Variants in PROS1 observed in about 807,000 individuals in gnomAD.
The protein encoded by PROS1 is protein S, also known as vitamin K-dependent protein S.
In PROS1, 29 loss-of-function variants were observed where a neutral mutation model predicts 75.9. That is an observed-to-expected ratio of 0.38 (90% CI 0.28 to 0.52). PROS1 has a LOEUF of 0.52. Ranked by LOEUF, PROS1 falls within the 20% of genes least tolerant of loss-of-function variation. PROS1 has a pLI of 0.83. For synonymous variants in PROS1, 245 were observed against 280.6 expected (o/e 0.87, Z 1.27); for missense variants, 680 against 810.3 (o/e 0.84, Z 1.95).
At chr3:93,930,604 A>T (rs1305869524) in intron 1 of PROS1, among the ~76,000 whole-genome samples, 3 of 152,210 alleles carry the variant, frequency 2.0e-5, no homozygotes, top group Admixed American at 2.0e-4. Flanking sequence ...ATGGGCCCCA[A>T]CTAAAGGGTA....
At chr3:93,901,362 C>T (rs1335887060) in intron 6 of PROS1, among the ~76,000 whole-genome samples, 1 of 152,092 alleles carries the variant, frequency 6.6e-6, no homozygotes, top group African/African-American at 2.4e-5. Flanking sequence ...CTAAAGTAGA[C>T]AATAGTGATT....
chr3:93,916,389 T>C (rs2107186196), intron 3 of PROS1, among the ~76,000 whole-genome samples: 1 of 152,322 alleles, frequency 6.6e-6, no homozygotes, highest in East Asian at 1.9e-4. Context: ...AGTGAAATGT[T>C]TCATATGAGT....
At position 93,973,734 on chromosome 3, in the gene PROS1, C is replaced by T. The variant is rs775508221; in HGVS notation, c.16G>A (p.Gly6Arg). The T allele has an allele frequency of 6.2e-7, 1 of 1,613,476 alleles. No homozygotes were observed. The change falls in exon 1 of 15, where the codon GGG becomes AGG. Residue 6 changes from glycine (G) to arginine (R), a missense_variant. Physicochemically the swap from Gly to Arg is moderately radical, Grantham distance 125 (BLOSUM62 -2). Transcript: ENST00000394236. ...CACGCCAGCAGCGCCCCGCAGCGCCCACCCAGGACCCTCATTTCGAAGCGC... is the reference window on the plus strand; with the variant it reads ...CACGCCAGCAGCGCCCCGCAGCGCCTACCCAGGACCCTCATTTCGAAGCGC... MRVLG[G>R]RCGALLACLL...
chr3:93,955,701 T>C (rs973357959), intron 1 of PROS1, among the ~76,000 whole-genome samples: 5 of 151,180 alleles, frequency 3.3e-5, no homozygotes, highest in Non-Finnish European at 7.4e-5. Context: ...GTTGTGTACA[T>C]GTACCCTAGA....
intron 1 of PROS1, 31 bp from the exon 2 acceptor site, chr3:93,927,438 A>G (rs1196027654): frequency 1.2e-6 from 2 of 1,604,804 alleles, no homozygotes; most frequent in African/African-American, 2.7e-5. Flanking sequence ...ATATGAATTA[A>G]TCATTTTTCC....
intron 1 of PROS1, among the ~76,000 whole-genome samples, chr3:93,969,132 T>C (rs1709836534): frequency 6.6e-6 from 1 of 150,434 alleles, no homozygotes; most frequent in South Asian, 2.1e-4. Flanking sequence ...CTTTTTTTTT[T>C]TTTTTTTTTG....
At chr3:93,903,056 G>C (rs559401869) in intron 6 of PROS1, among the ~76,000 whole-genome samples, 1 of 151,948 alleles carries the variant, frequency 6.6e-6, no homozygotes, top group South Asian at 2.1e-4. Context: ...TAGTAGAGAC[G>C]GGGTTTCAGC....
chr3:93,920,050 A>C (rs751869305), intron 3 of PROS1, among the ~76,000 whole-genome samples: 3 of 152,108 alleles, frequency 2.0e-5, no homozygotes, highest in African/African-American at 2.4e-5. Flanking sequence ...TTTTAAAATG[A>C]GTTTACTGAG....
chr3:93,906,266 T>A, intron 4 of PROS1, 123 bp from the exon 5 acceptor site: 1 of 1,033,776 alleles, frequency 9.7e-7, no homozygotes, highest in Non-Finnish European at 1.4e-6. Context: ...AACTCCTTTC[T>A]TTAAATAATA....
rs1328013419 is a variant in PROS1 at position 93,900,799 on chromosome 3, C to T, written c.727+5G>A. 1.9e-6 allele frequency: 3 copies of T among 1,612,374 alleles called. No individual in the cohort carries two copies. The highest frequency in any genetic ancestry group is 2.5e-6 in the Non-Finnish European group (3 of 1,179,812). Reference sequence around the variant, plus strand: ...CCATCAGTAATGATACCACCATCATCCTACCTTCACAAGACTTTGATTTGA... The same window carrying T: ...CCATCAGTAATGATACCACCATCATTCTACCTTCACAAGACTTTGATTTGA... On this transcript the variant is annotated splice_donor_5th_base_variant and intron_variant, in intron 7 of 14. Transcript: ENST00000394236.
intron 3 of PROS1, among the ~76,000 whole-genome samples, chr3:93,920,379 C>T (rs1166864709): frequency 6.6e-6 from 1 of 152,080 alleles, no homozygotes; most frequent in South Asian, 2.1e-4. Flanking sequence ...AACATTTTCT[C>T]CATAGGGTTT....
chr3:93,972,876 T>C (rs972408013), intron 1 of PROS1, among the ~76,000 whole-genome samples: 28 of 152,012 alleles, frequency 1.8e-4, no homozygotes, highest in Non-Finnish European at 5.9e-5. Context: ...GGCGTTTTTA[T>C]TCAATAAACA....
intron 12 of PROS1, among the ~76,000 whole-genome samples, chr3:93,881,058 C>G (rs577058435): frequency 6.6e-6 from 1 of 152,270 alleles, no homozygotes; most frequent in East Asian, 1.9e-4. Context: ...GGCACAGTGG[C>G]TCATGCCTGT....
intron 3 of PROS1, among the ~76,000 whole-genome samples, chr3:93,917,288 T>C (rs773201955): frequency 1.1e-4 from 17 of 152,194 alleles, no homozygotes; most frequent in Non-Finnish European, 1.9e-4. Flanking sequence ...TTTGTTTGTT[T>C]TGTTTTGTTT....
At chr3:93,955,056 C>G (rs1414197004) in intron 1 of PROS1, among the ~76,000 whole-genome samples, 3 of 152,154 alleles carry the variant, frequency 2.0e-5, no homozygotes, top group Non-Finnish European at 4.4e-5. Context: ...GAATGGCAAC[C>G]ATTAAAAAGT....
At chr3:93,931,096 GAATT>G (rs1325782747) in intron 1 of PROS1, among the ~76,000 whole-genome samples, 4 of 152,188 alleles carry the variant, frequency 2.6e-5, no homozygotes, top group South Asian at 2.1e-4. Flanking sequence ...TTCAAAGCAC[GAATT>G]AATTATTTCA....
intron 13 of PROS1, 22 bp from the exon 14 acceptor site, chr3:93,877,213 C>T (rs765866871): frequency 3.2e-6 from 5 of 1,542,000 alleles, no homozygotes; most frequent in Middle Eastern, 1.7e-4. Context: ...AGCAAAGATT[C>T]AATATAAGCA....
intron 6 of PROS1, among the ~76,000 whole-genome samples, chr3:93,901,794 AGT>A (rs894043805): frequency 6.6e-6 from 1 of 152,162 alleles, no homozygotes. Flanking sequence ...CAATGTCTTG[AGT>A]GTGAAATTGT....
intron 6 of PROS1, 78 bp from the exon 7 acceptor site, chr3:93,901,007 T>C (rs1386110338): frequency 1.3e-5 from 19 of 1,505,962 alleles, no homozygotes; most frequent in Non-Finnish European, 1.7e-5. Context: ...GATTTGTGTT[T>C]CCTGGATCTT....
Sources: gnomAD v4.1 joint callset for allele counts (sites outside exome capture counted in the v4.1 genomes callset) on GRCh38, gnomAD v4.1.1 for gene constraint, MANE v1.5 for transcripts, NCBI Gene and HGNC (gene_info 2026-07-23, HGNC 2026-07-21) for gene names.